Variants in NRXN3 observed in about 807,000 individuals in gnomAD.
The protein encoded by NRXN3 is neurexin III.
Under a neutral mutation model 137.6 loss-of-function variants are expected in NRXN3, and 32 were observed. The observed-to-expected ratio is 0.23, with a 90% confidence interval of 0.18 to 0.31. NRXN3 has a LOEUF of 0.31. NRXN3 is among the 10% of genes least tolerant of loss of function. NRXN3 has a pLI of 1.00. For synonymous variants in NRXN3, 798 were observed against 784.5 expected (o/e 1.02, Z -0.29); for missense variants, 1,574 against 2,062.5 (o/e 0.76, Z 4.59).
At chr14:78,532,219 G>T (rs2096473796) in intron 4 of NRXN3, among the ~76,000 whole-genome samples, 1 of 151,648 alleles carries the variant, frequency 6.6e-6, no homozygotes. Flanking sequence ...TACTCGGGAG[G>T]CTGAGGCAGG....
intron 20 of NRXN3, among the ~76,000 whole-genome samples, chr14:79,857,503 T>C (rs967719129): frequency 6.6e-6 from 1 of 152,176 alleles, no homozygotes; most frequent in Non-Finnish European, 1.5e-5. Context: ...ATTACAGGCG[T>C]GAGCCACCGT....
intron 4 of NRXN3, among the ~76,000 whole-genome samples, chr14:78,426,481 G>A (rs1006962263): frequency 5.3e-5 from 8 of 152,190 alleles, no homozygotes; most frequent in African/African-American, 1.9e-4. Flanking sequence ...GAAGAGAATA[G>A]CACACAAAAT....
At chr14:78,729,054 A>G (rs1265336119) in intron 8 of NRXN3, among the ~76,000 whole-genome samples, 1 of 152,194 alleles carries the variant, frequency 6.6e-6, no homozygotes, top group Non-Finnish European at 1.5e-5. Flanking sequence ...TGCTTCAATA[A>G]CATAATTGTG....
intron 15 of NRXN3, among the ~76,000 whole-genome samples, chr14:79,159,762 T>C (rs2060587080): frequency 6.6e-6 from 1 of 151,886 alleles, no homozygotes; most frequent in Non-Finnish European, 1.5e-5. Context: ...ATTGCTCTGA[T>C]AGGAGCACTT....
chr14:78,744,629 C>T (rs2098598823), intron 8 of NRXN3: 1 of 152,090 alleles, frequency 6.6e-6, no homozygotes, highest in South Asian at 2.1e-4. Context: ...TTTCTAAAGT[C>T]ATGTAATTAA....
chr14:78,707,440 A>G (rs955091337), intron 6 of NRXN3, among the ~76,000 whole-genome samples: 28 of 152,338 alleles, frequency 1.8e-4, no homozygotes, highest in Admixed American at 2.6e-4. Flanking sequence ...AAACCATTCC[A>G]GGGTACTGTA....
intron 10 of NRXN3, among the ~76,000 whole-genome samples, chr14:78,874,095 G>A (rs10137452): frequency 0.022 from 3,350 of 151,036 alleles, 125 homozygotes; most frequent in African/African-American, 0.077. Flanking sequence ...CCTCAGCCTC[G>A]TGAGTAGCTG....
intron 20 of NRXN3, among the ~76,000 whole-genome samples, chr14:79,808,802 A>AT (rs2099220836): frequency 6.6e-6 from 1 of 152,148 alleles, no homozygotes; most frequent in Admixed American, 6.5e-5. Flanking sequence ...GAAATAATTT[A>AT]TTTTTTCTTC....
chr14:78,237,101 T>A (rs1270598839), intron 1 of NRXN3, among the ~76,000 whole-genome samples: 6 of 152,214 alleles, frequency 3.9e-5, no homozygotes, highest in Admixed American at 6.5e-5. Context: ...CCTATGCCTT[T>A]GTTCAAGTGC....
chr14:79,693,777 A>T (rs2098725000), intron 18 of NRXN3, among the ~76,000 whole-genome samples: 2 of 145,294 alleles, frequency 1.4e-5, no homozygotes, highest in Admixed American at 6.9e-5. Flanking sequence ...AGGGGTTGGG[A>T]TGGGGGGAGG....
intron 16 of NRXN3, among the ~76,000 whole-genome samples, chr14:79,573,810 C>G (rs893024666): frequency 6.6e-6 from 1 of 152,088 alleles, no homozygotes; most frequent in Non-Finnish European, 1.5e-5. Flanking sequence ...ATTCCCTCTA[C>G]AGCTTGAAGG....
chr14:79,647,920 C>A (rs1567768461), intron 16 of NRXN3, among the ~76,000 whole-genome samples: 1 of 134,706 alleles, frequency 7.4e-6, no homozygotes, highest in Non-Finnish European at 1.7e-5. Context: ...TTGTCAAAAA[C>A]ATATAGGAAG....
At chr14:78,761,362 G>T (rs1384967651) in intron 8 of NRXN3, among the ~76,000 whole-genome samples, 2 of 152,282 alleles carry the variant, frequency 1.3e-5, no homozygotes, top group African/African-American at 4.8e-5. Context: ...TGGGCTGAGA[G>T]TGTGAAAGTC....
At chr14:79,453,981 GCAGA>G (rs2096218738) in intron 15 of NRXN3, among the ~76,000 whole-genome samples, 1 of 151,984 alleles carries the variant, frequency 6.6e-6, no homozygotes, top group Non-Finnish European at 1.5e-5. Flanking sequence ...CTTCTCTACT[GCAGA>G]CAAAGTTATT....
At chr14:79,712,826 G>C (rs542114642) in intron 19 of NRXN3, among the ~76,000 whole-genome samples, 1 of 152,066 alleles carries the variant, frequency 6.6e-6, no homozygotes, top group African/African-American at 2.4e-5. Flanking sequence ...ATCATCCTGC[G>C]TCTTCCTTGC....
chr14:79,240,807 A>G (rs2074153899), intron 15 of NRXN3, among the ~76,000 whole-genome samples: 1 of 152,148 alleles, frequency 6.6e-6, no homozygotes, highest in Non-Finnish European at 1.5e-5. Flanking sequence ...AATGCACAGA[A>G]ATCTCTGCTG....
chr14:79,342,276 T>C (rs1337060097), intron 15 of NRXN3, among the ~76,000 whole-genome samples: 1 of 152,190 alleles, frequency 6.6e-6, no homozygotes, highest in Non-Finnish European at 1.5e-5. Flanking sequence ...TGGGTTGAAA[T>C]AGTCTCTAAG....
chr14:78,645,508 G>A (rs1213253386), intron 5 of NRXN3, 87 bp downstream of exon 5: 9 of 1,096,204 alleles, frequency 8.2e-6, no homozygotes, highest in Non-Finnish European at 1.0e-5. Flanking sequence ...GGTGTGAGGT[G>A]GAGAGGGGTG....
chr14:79,845,348 A>C (rs1267422002), intron 20 of NRXN3, among the ~76,000 whole-genome samples: 1 of 152,244 alleles, frequency 6.6e-6, no homozygotes, highest in Non-Finnish European at 1.5e-5. Flanking sequence ...TTGGCCCAAA[A>C]GGCCTAGTTT....
Sources: gnomAD v4.1 joint callset for allele counts (sites outside exome capture counted in the v4.1 genomes callset) on GRCh38, gnomAD v4.1.1 for gene constraint, MANE v1.5 for transcripts, NCBI Gene and HGNC (gene_info 2026-07-23, HGNC 2026-07-21) for gene names.